RABGEF1: variants seen among roughly 807,000 people sequenced by gnomAD.
RABGEF1 encodes RAB guanine nucleotide exchange factor 1.
Under a neutral mutation model 57.3 loss-of-function variants are expected in RABGEF1, and 26 were observed. The ratio of observed to expected loss-of-function variants is 0.45; its 90% CI spans 0.33 to 0.63. The LOEUF (loss-of-function observed/expected upper bound fraction) is 0.63. RABGEF1 is among the 20% of genes least tolerant of loss of function. RABGEF1 has a pLI of 0.02. For missense variants in RABGEF1, 464 were observed against 607.6 expected (o/e 0.76, Z 2.48); for synonymous variants, 185 against 210.7 (o/e 0.88, Z 1.06).
chr7:66,721,669 T>G (rs1796066026), intron 2 of RABGEF1, among the ~76,000 whole-genome samples: 1 of 152,106 alleles, frequency 6.6e-6, no homozygotes, highest in Non-Finnish European at 1.5e-5. Flanking sequence ...TTTCTCCACC[T>G]CAAGATCCTT....
At chr7:66,748,896 T>C in intron 1 of RABGEF1, 1 of 243,948 alleles carries the variant, frequency 4.1e-6, no homozygotes, top group Non-Finnish European at 8.9e-6. Flanking sequence ...CTCACAGAGT[T>C]TTCTGTCACC....
At chr7:66,717,154 TTTTAA>T (rs1795504763) in intron 2 of RABGEF1, among the ~76,000 whole-genome samples, 2 of 152,342 alleles carry the variant, frequency 1.3e-5, no homozygotes, top group African/African-American at 2.4e-5. Context: ...TAGTATTCAA[TTTTAA>T]TTTATCAATT....
chr7:66,775,971 A>T (rs183184568), intron 3 of RABGEF1, among the ~76,000 whole-genome samples: 2 of 152,340 alleles, frequency 1.3e-5, no homozygotes, highest in East Asian at 3.9e-4. Context: ...CCTGCTTTTT[A>T]AAATGCCATA....
intron 1 of RABGEF1, among the ~76,000 whole-genome samples, chr7:66,767,645 A>G (rs1024857920): frequency 6.6e-6 from 1 of 152,026 alleles, no homozygotes. Context: ...GAAAGTGGAG[A>G]CCTCATGACT....
chr7:66,802,943 AAGAG>A (rs1447281987), intron 7 of RABGEF1, among the ~76,000 whole-genome samples: 1 of 152,248 alleles, frequency 6.6e-6, no homozygotes. Context: ...GTTTAAATAA[AAGAG>A]AGAAAAAAAA....
intron 1 of RABGEF1, among the ~76,000 whole-genome samples, chr7:66,770,002 C>G (rs1436281086): frequency 6.6e-6 from 1 of 152,174 alleles, no homozygotes; most frequent in Non-Finnish European, 1.5e-5. Flanking sequence ...CGCCAGCATC[C>G]CCAAGTGGTC....
rs747098701 is a variant in RABGEF1 at position 66,783,887 on chromosome 7, G to A, written c.513+46G>A. ...TAGAAACATAGAGTTTTGGTTTGAGGAAAGGTCTTAGAGATAATATAGTGC... is the reference window on the plus strand; with the variant it reads ...TAGAAACATAGAGTTTTGGTTTGAGAAAAGGTCTTAGAGATAATATAGTGC... On this transcript the variant is annotated intron_variant, in intron 4 of 8. Transcript: ENST00000284957. 2.6e-6 allele frequency: 4 copies of A among 1,561,090 alleles called. No individual in the cohort carries two copies. In the South Asian group the frequency reaches 4.7e-5, roughly 18 times the overall value.
rs184303132 is a variant in RABGEF1 at position 66,783,419 on chromosome 7, T to C, written c.347-256T>C. ...GTGTGATAGATTTTGGCAAAGAAAA[T>C]ACTAATAGAACAACTTTTATTTCAG... On this transcript the variant is annotated intron_variant, in intron 3 of 8. Transcript: ENST00000284957. 4.4e-3 allele frequency among the ~76,000 whole-genome samples: 668 copies of C among 152,304 alleles called. 7 individuals carry two copies. The highest frequency in any genetic ancestry group is 0.014 in the African/African-American group (574 of 41,560).
intron 1 of RABGEF1, among the ~76,000 whole-genome samples, chr7:66,760,029 A>G (rs1442028605): frequency 1.3e-5 from 2 of 151,910 alleles, no homozygotes; most frequent in Admixed American, 6.6e-5. Flanking sequence ...CCCTTATCAT[A>G]TAGAGCATAG....
At chr7:66,746,466 T>C (rs927116562) in intron 1 of RABGEF1, among the ~76,000 whole-genome samples, 2 of 151,794 alleles carry the variant, frequency 1.3e-5, no homozygotes, top group Admixed American at 1.3e-4. Context: ...TTTTTTTGTA[T>C]TTTTAGTAGA....
intron 1 of RABGEF1, among the ~76,000 whole-genome samples, chr7:66,697,735 T>G (rs1443217407): frequency 1.3e-5 from 2 of 152,074 alleles, no homozygotes; most frequent in Non-Finnish European, 2.9e-5. Context: ...GGGGTGTTCA[T>G]GTTTGAAGTG....
At chr7:66,739,724 C>G (rs184100089), upstream of RABGEF1, 3 of 150,840 alleles carry the variant, frequency 2.0e-5, no homozygotes, top group Admixed American at 2.0e-4. Flanking sequence ...AACACTACAG[C>G]GACAATTAGC....
At chr7:66,775,097 A>G in intron 2 of RABGEF1, 130 bp from the exon 3 acceptor site, 1 of 957,630 alleles carries the variant, frequency 1.0e-6, no homozygotes, top group Non-Finnish European at 1.5e-6. Context: ...GAGACCTCAG[A>G]CTGATTTGGC....
At chr7:66,737,568 C>T (rs892353497), upstream of RABGEF1, among the ~76,000 whole-genome samples, 1 of 152,000 alleles carries the variant, frequency 6.6e-6, no homozygotes, top group African/African-American at 2.4e-5. Flanking sequence ...TAGTTTAAAA[C>T]AATTAAAAAA....
chr7:66,688,256 CAG>C (rs776208194), intron 1 of RABGEF1, among the ~76,000 whole-genome samples: 25 of 152,058 alleles, frequency 1.6e-4, no homozygotes, highest in Non-Finnish European at 3.2e-4. Flanking sequence ...CACCTAACAA[CAG>C]AGCACCAAAA....
At chr7:66,744,849 A>G (rs1239372203) in intron 1 of RABGEF1, among the ~76,000 whole-genome samples, 1 of 152,084 alleles carries the variant, frequency 6.6e-6, no homozygotes, top group African/African-American at 2.4e-5. Flanking sequence ...CTGATTTGAT[A>G]AGAATAACTC....
At chr7:66,802,454 T>A (rs548823099) in intron 7 of RABGEF1, among the ~76,000 whole-genome samples, 2 of 152,308 alleles carry the variant, frequency 1.3e-5, no homozygotes, top group South Asian at 2.1e-4. Context: ...GTGTTTCCTA[T>A]TCATGTGAAG....
chr7:66,787,333 C>G (rs959405230), intron 4 of RABGEF1, among the ~76,000 whole-genome samples: 2 of 139,394 alleles, frequency 1.4e-5, no homozygotes, highest in African/African-American at 2.6e-5. Context: ...CATGCCTGGC[C>G]TGATTTTTTT....
intron 1 of RABGEF1, among the ~76,000 whole-genome samples, chr7:66,696,689 C>CAAAAAAAAAA (rs71049476): frequency 1.2e-4 from 8 of 66,286 alleles, no homozygotes; most frequent in Middle Eastern, 6.8e-3. Flanking sequence ...GACTCCGTCT[C>CAAAAAAAAAA]AAAAAAAAAA....
Sources: gnomAD v4.1 joint callset for allele counts (sites outside exome capture counted in the v4.1 genomes callset) on GRCh38, gnomAD v4.1.1 for gene constraint, MANE v1.5 for transcripts, NCBI Gene and HGNC (gene_info 2026-07-23, HGNC 2026-07-21) for gene names.